ASTN2: variants seen among roughly 807,000 people sequenced by gnomAD.
The protein encoded by ASTN2 is astrotactin-2.
ASTN2 carries 54 observed loss-of-function variants against 139.8 expected under a neutral mutation model. That is an observed-to-expected ratio of 0.39 (90% CI 0.31 to 0.48). The LOEUF is 0.48. Ranked by LOEUF, ASTN2 falls within the 20% of genes least tolerant of loss-of-function variation. The pLI is 0.95. For missense variants in ASTN2, 1,565 were observed against 1,725.1 expected (o/e 0.91, Z 1.64); for synonymous variants, 756 against 719.5 (o/e 1.05, Z -0.81).
At chr9:117,259,946 T>A (rs1400774584) in intron 2 of ASTN2, among the ~76,000 whole-genome samples, 1 of 152,246 alleles carries the variant, frequency 6.6e-6, no homozygotes, top group Non-Finnish European at 1.5e-5. Flanking sequence ...CAGAATAAGG[T>A]ACAGAGTAAA....
intron 1 of ASTN2, among the ~76,000 whole-genome samples, chr9:117,327,855 AT>A (rs1828569121): frequency 6.6e-6 from 1 of 152,222 alleles, no homozygotes; most frequent in Non-Finnish European, 1.5e-5. Context: ...TATTTCACAC[AT>A]AGTATGTCCC....
chr9:117,405,169 T>C (rs1830946868), intron 1 of ASTN2, among the ~76,000 whole-genome samples: 1 of 152,182 alleles, frequency 6.6e-6, no homozygotes, highest in South Asian at 2.1e-4. Flanking sequence ...TGCAGCTTCT[T>C]GGTCATGAGA....
intron 1 of ASTN2, among the ~76,000 whole-genome samples, chr9:117,328,258 A>C (rs1023575848): frequency 6.6e-5 from 10 of 152,180 alleles, no homozygotes; most frequent in Non-Finnish European, 1.3e-4. Flanking sequence ...GGTTGCACGC[A>C]TACACACTAA....
At chr9:117,183,660 T>C (rs1461311457) in intron 3 of ASTN2, among the ~76,000 whole-genome samples, 1 of 152,158 alleles carries the variant, frequency 6.6e-6, no homozygotes, top group Non-Finnish European at 1.5e-5. Flanking sequence ...TATCCACTAC[T>C]CTCTAGAAAG....
At chr9:117,113,710 T>C (rs1356846625) in intron 4 of ASTN2, among the ~76,000 whole-genome samples, 1 of 151,036 alleles carries the variant, frequency 6.6e-6, no homozygotes. Flanking sequence ...CAGGTGTAAA[T>C]AAAGGAAGAA....
In ASTN2 at chr9:117,034,463, T is replaced by C. The variant is rs1040884914; in HGVS notation, c.1423+5356A>G. On this transcript the variant is annotated intron_variant, in intron 6 of 22. Transcript: ENST00000313400. ...ATGAGGCAGCTCCATTAGTAGGGCA[T>C]TGATAAAGTCAAAGGTGGAGGAAAC... Among the ~76,000 whole-genome samples, 10 of 152,136 alleles carry C rather than the reference T, an allele frequency of 6.6e-5. No individual in the cohort carries two copies. The South Asian group carries it at 1.9e-3, about 28-fold the overall frequency.
chr9:117,116,023 TC>T (rs1829378859), intron 4 of ASTN2, among the ~76,000 whole-genome samples: 1 of 105,774 alleles, frequency 9.5e-6, no homozygotes, highest in African/African-American at 4.0e-5. Flanking sequence ...AGACTCCGCC[TC>T]AAAAAAAAAA....
At chr9:117,301,606 A>G (rs567404426) in intron 1 of ASTN2, among the ~76,000 whole-genome samples, 2 of 152,262 alleles carry the variant, frequency 1.3e-5, no homozygotes, top group African/African-American at 4.8e-5. Flanking sequence ...GAGCTTGCAT[A>G]TTTGAGTAAA....
chr9:117,109,391 T>C (rs1422592627), intron 4 of ASTN2, among the ~76,000 whole-genome samples: 4 of 151,960 alleles, frequency 2.6e-5, no homozygotes, highest in South Asian at 2.1e-4. Flanking sequence ...TGTCCTTCAA[T>C]AGAATTTTGG....
intron 16 of ASTN2, among the ~76,000 whole-genome samples, chr9:116,682,010 C>A (rs371952522): frequency 2.6e-5 from 4 of 151,782 alleles, no homozygotes; most frequent in East Asian, 1.9e-4. Context: ...GCAACAAAAG[C>A]CAAAATTGAC....
chr9:116,530,147 AT>A (rs1440113503), intron 19 of ASTN2, among the ~76,000 whole-genome samples: 27 of 25,444 alleles, frequency 1.1e-3, no homozygotes, highest in African/African-American at 1.9e-3. Flanking sequence ...ATATATATAT[AT>A]ATAAAATAGA....
intron 1 of ASTN2, among the ~76,000 whole-genome samples, chr9:117,338,165 G>A (rs1564153868): frequency 6.6e-6 from 1 of 152,106 alleles, no homozygotes; most frequent in Non-Finnish European, 1.5e-5. Flanking sequence ...TTCTTCCAAT[G>A]CATCTACTAG....
In ASTN2 at chr9:117,147,683, C is replaced by T. The variant is rs1009002725; in HGVS notation, c.1016-6205G>A. 5.9e-5 allele frequency among the ~76,000 whole-genome samples: 9 copies of T among 152,232 alleles called. 3 individuals are homozygous for T. On this transcript the variant is annotated intron_variant, in intron 3 of 22. Transcript: ENST00000313400. ...ATTTCCTTATGGTTTCTCACTTGTT[C>T]CCCCTAACAACCTGGAAAGTTAAGT...
intron 10 of ASTN2, among the ~76,000 whole-genome samples, chr9:116,924,414 A>G (rs1372529910): frequency 7.1e-6 from 1 of 141,650 alleles, no homozygotes; most frequent in Non-Finnish European, 1.5e-5. Context: ...TGGGTGACAG[A>G]GCAAGACTTC....
intron 10 of ASTN2, among the ~76,000 whole-genome samples, chr9:116,874,951 C>T (rs958523056): frequency 4.6e-5 from 7 of 152,154 alleles, no homozygotes; most frequent in East Asian, 1.9e-4. Context: ...GCCCTCATTG[C>T]GCTCATATAA....
chr9:116,548,872 C>T (rs1363289369), intron 19 of ASTN2, among the ~76,000 whole-genome samples: 1 of 152,158 alleles, frequency 6.6e-6, no homozygotes, highest in Non-Finnish European at 1.5e-5. Flanking sequence ...TTTTCAGAAG[C>T]TCAATAGGTG....
chr9:116,497,719 T>G (rs1849712602), intron 19 of ASTN2, among the ~76,000 whole-genome samples: 1 of 151,994 alleles, frequency 6.6e-6, no homozygotes, highest in Admixed American at 6.6e-5. Context: ...GGGACCAGGC[T>G]GGGGAGAAGG....
chr9:117,018,073 C>T (rs367709589), intron 6 of ASTN2, among the ~76,000 whole-genome samples: 4 of 151,904 alleles, frequency 2.6e-5, no homozygotes, highest in Non-Finnish European at 5.9e-5. Context: ...GGATGATCGG[C>T]GTAGGGTGGG....
At chr9:116,921,053 G>C (rs1415320477) in intron 10 of ASTN2, among the ~76,000 whole-genome samples, 5 of 152,144 alleles carry the variant, frequency 3.3e-5, no homozygotes, top group Admixed American at 3.3e-4. Context: ...TCTGCTTCTG[G>C]GGAGGCCTCA....
Sources: gnomAD v4.1 joint callset for allele counts (sites outside exome capture counted in the v4.1 genomes callset) on GRCh38, gnomAD v4.1.1 for gene constraint, MANE v1.5 for transcripts, NCBI Gene and HGNC (gene_info 2026-07-23, HGNC 2026-07-21) for gene names.